The following XKR4 variants were observed in gnomAD, a reference collection of about 807,000 sequenced individuals.
XKR4 encodes the protein XK related 4.
Under a neutral mutation model 53.9 loss-of-function variants are expected in XKR4, and 12 were observed. That is an observed-to-expected ratio of 0.22 (90% confidence interval 0.14 to 0.36). The LOEUF (loss-of-function observed/expected upper bound fraction) is 0.36. Among genes scored for constraint, XKR4 ranks in the 10% least tolerant of loss-of-function variants. The probability of loss-of-function intolerance (pLI) is 1.00; values close to 1 mark genes in which losing one functional copy is unlikely to be tolerated. For synonymous variants in XKR4, 354 were observed against 362.4 expected (o/e 0.98, Z 0.26); for missense variants, 799 against 859.5 (o/e 0.93, Z 0.88).
In XKR4 at chr8:55,523,949, C is replaced by T. The variant is rs1168655457; in HGVS notation, c.1675C>T (p.Arg559Cys). ...ISNNRSVVSD[R>C]DQKFAERDGC... is the part of the protein sequence containing the mutation. Reference sequence around the variant, plus strand: ...CAACAACCGCAGTGTTGTCAGCGACCGCGATCAGAAATTCGCAGAGCGGGA... The same window carrying T: ...CAACAACCGCAGTGTTGTCAGCGACTGCGATCAGAAATTCGCAGAGCGGGA... Residue 559 changes from arginine to cysteine, a missense_variant, in exon 3 of 3, where the codon CGC (arginine) becomes TGC (cysteine). Physicochemically the swap from Arg to Cys is radical, Grantham distance 180. Transcript: ENST00000327381. 3.7e-6 allele frequency: 6 copies of T among 1,614,050 alleles called. No homozygotes were observed. Among genetic ancestry groups the T allele is most frequent in the Non-Finnish European group, 5.1e-6 (6 of 1,180,044 alleles).
intron 1 of XKR4, among the ~76,000 whole-genome samples, chr8:55,214,259 C>T (rs1817772353): frequency 6.6e-6 from 1 of 152,120 alleles, no homozygotes; most frequent in African/African-American, 2.4e-5. Context: ...AGCCCTGGTA[C>T]CTGTATGCAT....
At chr8:55,346,455 C>A (rs1049132757) in intron 1 of XKR4, among the ~76,000 whole-genome samples, 3 of 152,134 alleles carry the variant, frequency 2.0e-5, no homozygotes, top group Non-Finnish European at 4.4e-5. Context: ...GAAATAAAGT[C>A]TAATCTTGAA....
rs555791906 is a variant in XKR4 at position 55,473,364 on chromosome 8, CTATCT to C, written c.1007-49913_1007-49909del. ...CCTCCTAAGTCACAAAGCAACAACC[CTATCT>C]TATTTATTTTACTAATTTATTCATT... On this transcript the variant is annotated intron_variant, in intron 2 of 2. Transcript: ENST00000327381. Among the ~76,000 whole-genome samples the C allele has an allele frequency of 2.1e-3, 319 of 152,208 alleles. 3 individuals are homozygous for C. The highest frequency in any genetic ancestry group is 7.1e-3 in the African/African-American group (296 of 41,494).
chr8:55,288,464 C>G (rs1253687954), intron 1 of XKR4, among the ~76,000 whole-genome samples: 1 of 152,172 alleles, frequency 6.6e-6, no homozygotes, highest in African/African-American at 2.4e-5. Context: ...AAAGTACTTT[C>G]TGGAATGAAA....
At chr8:55,453,344 C>G (rs892495164) in intron 2 of XKR4, 2 of 473,652 alleles carry the variant, frequency 4.2e-6, no homozygotes, top group Non-Finnish European at 8.7e-6. Context: ...CAGGACCACC[C>G]AGTTCTGTTG....
At chr8:55,177,078 C>A (rs1449095077) in intron 1 of XKR4, among the ~76,000 whole-genome samples, 1 of 151,574 alleles carries the variant, frequency 6.6e-6, no homozygotes, top group Non-Finnish European at 1.5e-5. Context: ...GCTCTGTTAC[C>A]CAGGCTGGAG....
chr8:55,227,413 C>A (rs988887721), intron 1 of XKR4, among the ~76,000 whole-genome samples: 1 of 152,176 alleles, frequency 6.6e-6, no homozygotes, highest in Non-Finnish European at 1.5e-5. Flanking sequence ...TGCTCACTAC[C>A]CTCCCAATGA....
intron 1 of XKR4, among the ~76,000 whole-genome samples, chr8:55,259,090 A>T (rs996270716): frequency 6.6e-6 from 1 of 152,204 alleles, no homozygotes; most frequent in East Asian, 1.9e-4. Context: ...ACCATGTTCT[A>T]CAACACAGTG....
At chr8:55,261,428 T>C (rs1585973750) in intron 1 of XKR4, among the ~76,000 whole-genome samples, 1 of 152,250 alleles carries the variant, frequency 6.6e-6, no homozygotes, top group Non-Finnish European at 1.5e-5. Context: ...GTTTATGCTA[T>C]GGTTTTTAAA....
chr8:55,377,548 T>C (rs998445836), intron 2 of XKR4, among the ~76,000 whole-genome samples: 3 of 151,786 alleles, frequency 2.0e-5, no homozygotes, highest in Non-Finnish European at 4.4e-5. Context: ...CTTTTTCCCT[T>C]AAGGAGCAAC....
chr8:55,291,931 A>T (rs901285866), intron 1 of XKR4, among the ~76,000 whole-genome samples: 1 of 152,140 alleles, frequency 6.6e-6, no homozygotes, highest in African/African-American at 2.4e-5. Flanking sequence ...TTTTATGAAT[A>T]ATTTGATATG....
rs575480291 is a variant in XKR4 at position 55,103,733 on chromosome 8, A to G, written c.806+439A>G. ...GGTTTCTTTTGTTCCCTGGGGAAAA[A>G]AAATTGCTAATTCTAGTGAAATGGG... On this transcript the variant is annotated intron_variant, in intron 1 of 2. Transcript: ENST00000327381. Among the ~76,000 whole-genome samples the G allele has an allele frequency of 1.5e-3, 234 of 151,544 alleles. 1 individual carries two copies. The highest frequency in any genetic ancestry group is 5.5e-3 in the African/African-American group (228 of 41,308).
At chr8:55,405,251 G>A (rs1804665851) in intron 2 of XKR4, among the ~76,000 whole-genome samples, 1 of 152,116 alleles carries the variant, frequency 6.6e-6, no homozygotes, top group East Asian at 1.9e-4. Flanking sequence ...ATCAGGCCTG[G>A]CAGCCTGGAT....
intron 2 of XKR4, among the ~76,000 whole-genome samples, chr8:55,477,575 A>T (rs1806018228): frequency 6.6e-6 from 1 of 152,194 alleles, no homozygotes; most frequent in South Asian, 2.1e-4. Context: ...TGACAAGATG[A>T]GAGAAGAAGG....
chr8:55,480,924 C>T (rs565489868), intron 2 of XKR4, among the ~76,000 whole-genome samples: 1 of 152,288 alleles, frequency 6.6e-6, no homozygotes, highest in East Asian at 1.9e-4. Context: ...GAAGAACATT[C>T]CATGCTCATG....
chr8:55,396,566 G>T (rs991457), intron 2 of XKR4, among the ~76,000 whole-genome samples: 31 of 152,122 alleles, frequency 2.0e-4, no homozygotes, highest in Admixed American at 5.9e-4. Flanking sequence ...AGGACCTGAA[G>T]AAAAGTTCCA....
chr8:55,301,500 G>T (rs1371957425), intron 1 of XKR4, among the ~76,000 whole-genome samples: 2 of 151,830 alleles, frequency 1.3e-5, no homozygotes, highest in East Asian at 1.9e-4. Context: ...TAATCCTTTG[G>T]GTATATACCC....
chr8:55,169,345 A>T (rs1416930324), intron 1 of XKR4, among the ~76,000 whole-genome samples: 1 of 152,252 alleles, frequency 6.6e-6, no homozygotes, highest in African/African-American at 2.4e-5. Flanking sequence ...TGGGAAGGGC[A>T]GGTAAAATGG....
At chr8:55,443,670 C>T (rs1440808809) in intron 2 of XKR4, among the ~76,000 whole-genome samples, 3 of 150,598 alleles carry the variant, frequency 2.0e-5, no homozygotes, top group South Asian at 2.1e-4. Flanking sequence ...GGTGAAACCC[C>T]GTCTCTACTA....
Sources: gnomAD v4.1 joint callset for allele counts (sites outside exome capture counted in the v4.1 genomes callset) on GRCh38, gnomAD v4.1.1 for gene constraint, MANE v1.5 for transcripts, NCBI Gene and HGNC (gene_info 2026-07-23, HGNC 2026-07-21) for gene names.